Variants in PRKG1 observed in about 807,000 individuals in gnomAD.
The protein encoded by PRKG1 is protein kinase cGMP-dependent 1, also known as cGMP-dependent protein kinase 1.
Under a neutral mutation model 88.1 loss-of-function variants are expected in PRKG1, and 35 were observed. The ratio of observed to expected loss-of-function variants is 0.40; its 90% confidence interval spans 0.30 to 0.53. PRKG1 has a LOEUF of 0.53. PRKG1 is among the 20% of genes least tolerant of loss of function. PRKG1 has a pLI of 0.59. For missense variants in PRKG1, 540 were observed against 839.8 expected (o/e 0.64, Z 4.41); for synonymous variants, 303 against 292.5 (o/e 1.04, Z -0.37).
At chr10:51,025,822 G>C (rs1843196825) in intron 1 of PRKG1, among the ~76,000 whole-genome samples, 2 of 152,152 alleles carry the variant, frequency 1.3e-5, no homozygotes, top group Non-Finnish European at 2.9e-5. Context: ...TGGCTTGAAG[G>C]AAGGTTATGG....
intron 3 of PRKG1, among the ~76,000 whole-genome samples, chr10:51,777,864 A>T (rs1050318439): frequency 6.6e-6 from 1 of 152,184 alleles, no homozygotes. Flanking sequence ...TGTATAGTAC[A>T]TAGCCTTTTC....
At chr10:51,792,686 A>G (rs1256008853) in intron 3 of PRKG1, among the ~76,000 whole-genome samples, 1 of 152,078 alleles carries the variant, frequency 6.6e-6, no homozygotes, top group East Asian at 1.9e-4. Flanking sequence ...AAAAGGCAAG[A>G]ATTGATTTTT....
At chr10:51,889,394 C>T (rs1205115439) in intron 4 of PRKG1, among the ~76,000 whole-genome samples, 3 of 152,006 alleles carry the variant, frequency 2.0e-5, no homozygotes, top group Non-Finnish European at 4.4e-5. Flanking sequence ...TGAACTTATA[C>T]TTTTTTATGG....
intron 3 of PRKG1, among the ~76,000 whole-genome samples, chr10:51,703,547 A>G (rs1431067207): frequency 2.0e-5 from 3 of 152,172 alleles, no homozygotes; most frequent in African/African-American, 7.2e-5. Flanking sequence ...AAACTGTAAA[A>G]TCATTATATA....
chr10:51,195,678 C>A, intron 2 of PRKG1, among the ~76,000 whole-genome samples: 2 of 152,256 alleles, frequency 1.3e-5, no homozygotes, highest in South Asian at 4.1e-4. Context: ...CTTAGCTCTC[C>A]ATTTCTTTAA....
At chr10:51,449,464 C>T in intron 2 of PRKG1, among the ~76,000 whole-genome samples, 1 of 149,022 alleles carries the variant, frequency 6.7e-6, no homozygotes, top group Non-Finnish European at 1.5e-5. Flanking sequence ...CCCCATGACA[C>T]TTTTCATGGA....
At position 52,121,850 on chromosome 10, in the gene PRKG1, ACT is replaced by A. The variant is rs562891894; in HGVS notation, c.936-11987_936-11986del. On this transcript the variant is annotated intron_variant, in intron 7 of 17. Transcript: ENST00000373980. ...AGCCCTCACCAGAATTTCCCTTAAC[ACT>A]CTGTTCACAGCAGTCTCGATTTTTT... Among the ~76,000 whole-genome samples, 300 of 151,504 alleles carry A rather than the reference ACT, an allele frequency of 2.0e-3. 2 individuals are homozygous for A. The highest frequency in any genetic ancestry group is 7.0e-3 in the African/African-American group (289 of 41,240).
chr10:52,074,558 A>G (rs1048478995), intron 7 of PRKG1, among the ~76,000 whole-genome samples: 1 of 152,210 alleles, frequency 6.6e-6, no homozygotes, highest in Non-Finnish European at 1.5e-5. Context: ...TCAAAAATGG[A>G]CATAAAAATG....
intron 1 of PRKG1, among the ~76,000 whole-genome samples, chr10:51,100,304 G>A (rs1036608889): frequency 3.9e-5 from 6 of 152,160 alleles, no homozygotes; most frequent in Admixed American, 1.3e-4. Context: ...TGAAATGGAT[G>A]CTGTAGACTT....
intron 4 of PRKG1, among the ~76,000 whole-genome samples, chr10:51,850,904 C>T (rs746928294): frequency 2.0e-5 from 3 of 152,084 alleles, no homozygotes; most frequent in Non-Finnish European, 4.4e-5. Context: ...AAAAAAGACT[C>T]TACTGGAGGG....
At chr10:51,348,017 C>G (rs1842153946) in intron 2 of PRKG1, among the ~76,000 whole-genome samples, 1 of 151,974 alleles carries the variant, frequency 6.6e-6, no homozygotes, top group African/African-American at 2.4e-5. Context: ...GAGCCGAGAT[C>G]ATGCCACTGC....
chr10:51,983,510 C>T lies in PRKG1; in HGVS notation c.763-70974C>T, dbSNP rs147893932. On this transcript the variant is annotated intron_variant, in intron 5 of 17. Transcript: ENST00000373980. ...GGGGCCCCAGGAGAGGACAGCAGACCAAGGGGTGCTTAGACTGGACCAGCC... is the reference window on the plus strand; with the variant it reads ...GGGGCCCCAGGAGAGGACAGCAGACTAAGGGGTGCTTAGACTGGACCAGCC... 8.9e-4 allele frequency among the ~76,000 whole-genome samples: 135 copies of T among 152,262 alleles called. 1 individual carries two copies. Among genetic ancestry groups the T allele is most frequent in the Admixed American group, 4.1e-3 (62 of 15,298 alleles).
In PRKG1 at chr10:52,155,926, A is replaced by C. The variant is rs540207223; in HGVS notation, c.1002-5963A>C. Among the ~76,000 whole-genome samples, 3 of 152,138 alleles carry C rather than the reference A, an allele frequency of 2.0e-5. No homozygotes were observed. In the East Asian group the frequency reaches 5.8e-4, roughly 29 times the overall value. ...TTTCTCAAAAGTGACAGTAAGTAAA[A>C]GGAGATAATTCCTGAAATTAATTCT... On this transcript the variant is annotated intron_variant, in intron 8 of 17. Transcript: ENST00000373980.
chr10:51,721,870 C>A (rs1358169822), intron 3 of PRKG1, among the ~76,000 whole-genome samples: 1 of 152,120 alleles, frequency 6.6e-6, no homozygotes, highest in Admixed American at 6.5e-5. Flanking sequence ...CCTAATAATT[C>A]CATTTAGCTA....
chr10:51,033,109 G>T (rs1843307016), intron 1 of PRKG1, among the ~76,000 whole-genome samples: 1 of 151,880 alleles, frequency 6.6e-6, no homozygotes, highest in African/African-American at 2.4e-5. Flanking sequence ...CCTTCTCAAA[G>T]CTTATATTCC....
At chr10:51,211,033 T>C (rs1326926535) in intron 2 of PRKG1, among the ~76,000 whole-genome samples, 3 of 152,192 alleles carry the variant, frequency 2.0e-5, no homozygotes, top group Non-Finnish European at 4.4e-5. Context: ...TTTAGACCAA[T>C]ATCCTTGATG....
At chr10:52,165,358 T>G (rs1210204880) in intron 9 of PRKG1, among the ~76,000 whole-genome samples, 1 of 152,180 alleles carries the variant, frequency 6.6e-6, no homozygotes, top group East Asian at 1.9e-4. Context: ...GAATTAGCAT[T>G]GTTGTTTCTC....
intron 2 of PRKG1, among the ~76,000 whole-genome samples, chr10:51,350,310 A>T (rs1253897031): frequency 6.6e-6 from 1 of 152,186 alleles, no homozygotes; most frequent in Non-Finnish European, 1.5e-5. Context: ...TGATAAAGGA[A>T]CCCAGAGTAC....
chr10:51,043,254 G>T (rs948894744), intron 1 of PRKG1, among the ~76,000 whole-genome samples: 1 of 152,100 alleles, frequency 6.6e-6, no homozygotes, highest in Non-Finnish European at 1.5e-5. Flanking sequence ...CCAGCAGCTG[G>T]GGAATAAGTG....
Sources: gnomAD v4.1 joint callset for allele counts (sites outside exome capture counted in the v4.1 genomes callset) on GRCh38, gnomAD v4.1.1 for gene constraint, MANE v1.5 for transcripts, NCBI Gene and HGNC (gene_info 2026-07-23, HGNC 2026-07-21) for gene names.